Variants in ELAPOR2 observed in about 807,000 individuals in gnomAD.
ELAPOR2 encodes endosome/lysosome-associated apoptosis and autophagy regulator family member 2.
Under a neutral mutation model 120.7 loss-of-function variants are expected in ELAPOR2, and 89 were observed. That is an observed-to-expected ratio of 0.74 (90% CI 0.62 to 0.88). ELAPOR2 has a LOEUF of 0.88. ELAPOR2 is among the 40% of genes least tolerant of loss of function. ELAPOR2 has a pLI of 0.00. For missense variants in ELAPOR2, 1,134 were observed against 1,251.6 expected, an observed-to-expected ratio of 0.91 and a Z score of 1.42; for synonymous variants, 444 against 444.9, an observed-to-expected ratio of 1.00 and a Z score of 0.03.
intron 4 of ELAPOR2, among the ~76,000 whole-genome samples, chr7:86,943,181 C>CT (rs749058094): frequency 3.3e-5 from 5 of 151,722 alleles, no homozygotes; most frequent in Admixed American, 6.6e-5. Context: ...AAACTGAAAG[C>CT]TTTTTTTATC....
chr7:86,951,270 T>C (rs1791232543), intron 2 of ELAPOR2, among the ~76,000 whole-genome samples: 1 of 152,226 alleles, frequency 6.6e-6, no homozygotes, highest in South Asian at 2.1e-4. Flanking sequence ...GACAAAAATA[T>C]TGACTTCCTA....
intron 1 of ELAPOR2, among the ~76,000 whole-genome samples, chr7:86,983,063 G>T (rs191838064): frequency 1.3e-5 from 2 of 152,138 alleles, no homozygotes; most frequent in Non-Finnish European, 2.9e-5. Flanking sequence ...TAGCCAATTC[G>T]ATCAAGTGGA....
intron 1 of ELAPOR2, among the ~76,000 whole-genome samples, chr7:87,000,399 A>AAG (rs1554403385): frequency 1.3e-5 from 2 of 151,680 alleles, no homozygotes; most frequent in African/African-American, 2.4e-5. Context: ...GTAAATATTA[A>AAG]GGTGTCATGT....
At chr7:87,015,021 C>T (rs571383340) in intron 1 of ELAPOR2, among the ~76,000 whole-genome samples, 10 of 151,340 alleles carry the variant, frequency 6.6e-5, no homozygotes, top group South Asian at 2.1e-4. Context: ...AGAAGTGGTG[C>T]GCTGCAGGAA....
chr7:86,967,121 CA>C lies in ELAPOR2; in HGVS notation c.190-2098del, dbSNP rs536722095. ...ATAGCCTTGGCCTGCCATGTATTTGCATAATTGCTTTCTTGTTTCTCTTGTT... is the reference window on the plus strand; with the variant it reads ...ATAGCCTTGGCCTGCCATGTATTTGCTAATTGCTTTCTTGTTTCTCTTGTT... On this transcript the variant is annotated intron_variant, in intron 1 of 21. Transcript: ENST00000450689. Among the ~76,000 whole-genome samples the C allele has an allele frequency of 3.2e-4, 48 of 152,248 alleles. 1 individual carries two copies. Among genetic ancestry groups the C allele is most frequent in the African/African-American group, 1.2e-3 (48 of 41,556 alleles).
chr7:87,026,711 G>A (rs1278292435), intron 1 of ELAPOR2, among the ~76,000 whole-genome samples: 1 of 151,832 alleles, frequency 6.6e-6, no homozygotes, highest in Non-Finnish European at 1.5e-5. Context: ...ATTGCACTAA[G>A]AACTTAGAGA....
intron 18 of ELAPOR2, among the ~76,000 whole-genome samples, chr7:86,906,821 G>C (rs1015441734): frequency 1.1e-4 from 16 of 151,990 alleles, no homozygotes; most frequent in African/African-American, 3.9e-4. Context: ...TTGAGGCTAG[G>C]AGTTTGAGAC....
chr7:86,979,193 C>A (rs1792377838), intron 1 of ELAPOR2, among the ~76,000 whole-genome samples: 1 of 152,126 alleles, frequency 6.6e-6, no homozygotes, highest in Non-Finnish European at 1.5e-5. Flanking sequence ...CAAAAGATTA[C>A]CTCTGCCACA....
intron 8 of ELAPOR2, among the ~76,000 whole-genome samples, chr7:86,929,365 T>C (rs1790223184): frequency 6.6e-6 from 1 of 151,992 alleles, no homozygotes; most frequent in Admixed American, 6.6e-5. Flanking sequence ...GTCTACCAAC[T>C]GACCCTAACC....
intron 1 of ELAPOR2, among the ~76,000 whole-genome samples, chr7:87,009,134 G>C (rs1793576369): frequency 6.6e-6 from 1 of 152,094 alleles, no homozygotes; most frequent in Non-Finnish European, 1.5e-5. Context: ...ATGAGACATG[G>C]TATGTATCTT....
rs1311364272 is a variant in ELAPOR2 at position 87,059,364 on chromosome 7, C to G, written c.150G>C (p.Leu50=). 1.6e-6 allele frequency: 2 copies of G among 1,247,054 alleles called. No individual in the cohort carries two copies. Among genetic ancestry groups the G allele is most frequent in the African/African-American group, 1.6e-5 (1 of 64,432 alleles). 77.2% of individuals were successfully genotyped at this position (1,247,054 alleles called of 1,614,324 possible). A position where few individuals can be genotyped will look rare whatever the true frequency, so the allele number is the denominator to read the frequency against. The change falls in exon 1 of 22, where the codon CTG becomes CTC. Residue 50 remains leucine (L), a synonymous_variant. Coordinates refer to ENST00000450689, the MANE Select transcript of ELAPOR2 (RefSeq NM_001142749.3). The stretch of plus-strand genomic sequence containing the variant: ...GAAGCGGGCGGCTGGAGGAGGAGGG[C>G]AGGTCCCCAGCCCAGGCCGCCTGGC... ...AGCQAAWAGD[L]PSSSSRPLPP... is the part of the protein sequence containing the mutation.
chr7:86,953,143 A>G (rs907969870), intron 2 of ELAPOR2, among the ~76,000 whole-genome samples: 15 of 151,176 alleles, frequency 9.9e-5, no homozygotes, highest in Non-Finnish European at 1.9e-4. Context: ...TAATTCAGGG[A>G]CATGGGACAC....
intron 19 of ELAPOR2, 74 bp downstream of exon 19, chr7:86,897,432 C>T (rs1788486795): frequency 1.3e-6 from 2 of 1,531,080 alleles, no homozygotes; most frequent in African/African-American, 1.4e-5. Flanking sequence ...ACTTCTGGAC[C>T]TGAGTTTCTA....
chr7:86,880,501 T>G lies in ELAPOR2; in HGVS notation c.3060A>C (p.Gln1020His), dbSNP rs142358415. The G allele has an allele frequency of 1.1e-4, 174 of 1,609,428 alleles. No individual in the cohort carries two copies. The highest frequency in any genetic ancestry group is 1.4e-4 in the Non-Finnish European group (170 of 1,176,178). ...KEKEDHFESV[Q>H]LKTSRSPNI The stretch of plus-strand genomic sequence containing the variant: ...TATTTGGGGATCTTGAGGTTTTCAG[T>G]TGAACAGATTCAAAATGGTCTTCTT... The change falls in exon 22 of 22, where the codon CAA (glutamine) becomes CAC (histidine). Residue 1020 changes from glutamine to histidine, a missense_variant. This residue lies in a region of ELAPOR2 where 831 missense variants were observed against 867.6 expected (regional missense o/e 0.96). Coordinates refer to ENST00000450689, the MANE Select transcript of ELAPOR2 (RefSeq NM_001142749.3).
At position 86,908,617 on chromosome 7, in the gene ELAPOR2, A is replaced by G. The variant is rs985438853; in HGVS notation, c.2360-74T>C. 6.2e-6 allele frequency: 4 copies of G among 647,272 alleles called. No individual in the cohort carries two copies. In the African/African-American group the frequency reaches 7.6e-5, roughly 12 times the overall value. 40.1% of individuals were successfully genotyped at this position (647,272 alleles called of 1,614,324 possible). On this transcript the variant is annotated intron_variant, in intron 16 of 21. Transcript: ENST00000450689. ...TTATTTGGTCTCCGTAGTTTTGAAT[A>G]GAAAATAGCTTTAATGACTGTCATT...
At chr7:87,025,502 A>G (rs1259196316) in intron 1 of ELAPOR2, among the ~76,000 whole-genome samples, 1 of 152,154 alleles carries the variant, frequency 6.6e-6, no homozygotes, top group Non-Finnish European at 1.5e-5. Flanking sequence ...TACTCAGGTC[A>G]CACAATTAAT....
intron 1 of ELAPOR2, among the ~76,000 whole-genome samples, chr7:87,007,820 T>C (rs1212543295): frequency 6.6e-6 from 1 of 152,136 alleles, no homozygotes; most frequent in East Asian, 1.9e-4. Flanking sequence ...TGCATCAAAA[T>C]AAGTAATCAA....
intron 1 of ELAPOR2, among the ~76,000 whole-genome samples, chr7:86,985,620 G>T (rs1422264958): frequency 6.6e-6 from 1 of 151,978 alleles, no homozygotes; most frequent in East Asian, 1.9e-4. Flanking sequence ...TGCAGAAAAG[G>T]CCTTCAACAA....
At chr7:86,905,814 C>T (rs776005972) in intron 18 of ELAPOR2, among the ~76,000 whole-genome samples, 2 of 152,130 alleles carry the variant, frequency 1.3e-5, no homozygotes, top group Non-Finnish European at 2.9e-5. Flanking sequence ...TATTCTGCTG[C>T]AGGTCATCTT....
Sources: gnomAD v4.1 joint callset for allele counts (sites outside exome capture counted in the v4.1 genomes callset) on GRCh38, gnomAD v4.1.1 for gene constraint, gnomAD v4.1.1 regional missense constraint, MANE v1.5 for transcripts, NCBI Gene and HGNC (gene_info 2026-07-23, HGNC 2026-07-21) for gene names.